Variants in GSDME observed in about 807,000 individuals in gnomAD.
GSDME encodes gasdermin E.
GSDME carries 44 observed loss-of-function variants against 47.5 expected under a neutral mutation model. The observed-to-expected ratio is 0.93, with a 90% CI of 0.73 to 1.19. The LOEUF (loss-of-function observed/expected upper bound fraction) is 1.19, where lower values mean the gene tolerates loss of function less well. Ranked by LOEUF, GSDME falls within the 50% of genes most tolerant of loss-of-function variation. The pLI is 0.00. For missense variants in GSDME, 663 were observed against 604.2 expected (o/e 1.10, Z -1.02); for synonymous variants, 258 against 252.8 (o/e 1.02, Z -0.20).
intron 3 of GSDME, among the ~76,000 whole-genome samples, chr7:24,743,177 C>T: frequency 6.6e-6 from 1 of 152,218 alleles, no homozygotes. Context: ...AATGTCTGTA[C>T]AAAATCCACC....
chr7:24,717,327 C>A lies in GSDME; in HGVS notation c.624G>T (p.Val208=), dbSNP rs746063969. 2 of 1,611,252 alleles carry A rather than the reference C, an allele frequency of 1.2e-6. No homozygotes were observed. Among genetic ancestry groups the A allele is most frequent in the Non-Finnish European group, 8.5e-7 (1 of 1,179,010 alleles). The change falls in exon 5 of 10, where the codon GTG becomes GTT. Residue 208 remains valine, a synonymous_variant. Transcript: ENST00000645220. ...DGNVTKDSNV[V]LEIPAATTIA... ...TGGTGGTGGCAGCTGGGATCTCCAG[C>A]ACCACGTTGGAGTCCTTGGTGACAT...
At chr7:24,718,921 A>T in intron 4 of GSDME, 126 bp downstream of exon 4, 1 of 1,059,128 alleles carries the variant, frequency 9.4e-7, no homozygotes. Context: ...AGACAACGTG[A>T]GTTGGGTTTC....
intron 3 of GSDME, among the ~76,000 whole-genome samples, chr7:24,741,926 C>T (rs1001569157): frequency 3.9e-5 from 6 of 152,160 alleles, no homozygotes; most frequent in African/African-American, 1.4e-4. Flanking sequence ...TCCTCCTAGC[C>T]GCCTAACAAG....
rs1790049040 is a variant in GSDME at position 24,728,678 on chromosome 7, C to T, written c.405-9460G>A. ...AGCTTCCCAGAGTCAGGAAGTGGAT[C>T]CTCTTGGAAACGAAAGCAGCCGCCC... is the stretch of plus-strand genomic sequence containing the variant. On this transcript the variant is annotated intron_variant, in intron 3 of 9. Transcript: ENST00000645220. This position sits in a 1 kb window ranked among gnomAD's most constrained non-coding sequence, Gnocchi z 7.2. 6.6e-6 allele frequency among the ~76,000 whole-genome samples: 1 copy of T among 152,164 alleles called. No individual in the cohort carries two copies. The highest frequency in any genetic ancestry group is 6.5e-5 in the Admixed American group (1 of 15,284).
the GSDME span, among the ~76,000 whole-genome samples, chr7:24,777,612 C>G: frequency 3.6e-4 from 55 of 152,116 alleles, 1 homozygote; most frequent in East Asian, 2.5e-3. Context: ...CTCACCTAAC[C>G]CCAGATCATT....
chr7:24,709,069 A>G (rs1207623087), intron 6 of GSDME, among the ~76,000 whole-genome samples: 1 of 152,254 alleles, frequency 6.6e-6, no homozygotes, highest in African/African-American at 2.4e-5. Flanking sequence ...TAGCAGTTGT[A>G]TAAAGCCCCA....
the GSDME span, among the ~76,000 whole-genome samples, chr7:24,788,843 C>A: frequency 6.6e-6 from 1 of 152,164 alleles, no homozygotes; most frequent in African/African-American, 2.4e-5. The surrounding 1 kb of genome is among the most constrained non-coding windows in gnomAD (Gnocchi z 4.6). Context: ...AACAGTCCTC[C>A]TTTAATGGCA....
At chr7:24,780,027 T>G in the GSDME span, among the ~76,000 whole-genome samples, 6,789 of 152,336 alleles carry the variant, frequency 0.045, 538 homozygotes, top group African/African-American at 0.15. The surrounding 1 kb of genome is among the most constrained non-coding windows in gnomAD (Gnocchi z 4.1). Context: ...GGCTCCGCCC[T>G]GCTTCAAGCA....
Position 24,736,884 on chromosome 7 carries a change from A to C in GSDME, c.404+7678T>G, listed in dbSNP as rs1790323227. The stretch of plus-strand genomic sequence containing the variant: ...GGAATTTGTGAAACTATGCAAATAC[A>C]TGGAAATTAAACAACATGCTCCTGA... On this transcript the variant is annotated intron_variant, in intron 3 of 9. Coordinates refer to ENST00000645220, the MANE Select transcript of GSDME (RefSeq NM_001127453.2). The surrounding 1 kb of genome is among the most constrained non-coding windows in gnomAD (Gnocchi z 4.6). 6.6e-6 allele frequency among the ~76,000 whole-genome samples: 1 copy of C among 152,228 alleles called. No homozygotes were observed. Among genetic ancestry groups the C allele is most frequent in the South Asian group, 2.1e-4 (1 of 4,836 alleles).
chr7:24,794,590 T>C, the GSDME span, among the ~76,000 whole-genome samples: 3 of 152,184 alleles, frequency 2.0e-5, no homozygotes, highest in African/African-American at 7.2e-5. Context: ...ACTAGAGACC[T>C]GTCTAGGCTT....
At chr7:24,767,780 A>G in the GSDME span, among the ~76,000 whole-genome samples, 1 of 152,228 alleles carries the variant, frequency 6.6e-6, no homozygotes, top group Non-Finnish European at 1.5e-5. The surrounding 1 kb of genome is among the most constrained non-coding windows in gnomAD (Gnocchi z 5.3). Context: ...ATCACAGCTT[A>G]GAGGCCAATT....
intron 2 of GSDME, among the ~76,000 whole-genome samples, chr7:24,747,712 G>C (rs534184467): frequency 2.8e-4 from 43 of 152,138 alleles, no homozygotes; most frequent in African/African-American, 9.9e-4. Context: ...CTGTTGCCCA[G>C]GCTGGAATGC....
chr7:24,740,983 A>C (rs1318322288), intron 3 of GSDME, among the ~76,000 whole-genome samples: 1 of 152,200 alleles, frequency 6.6e-6, no homozygotes, highest in African/African-American at 2.4e-5. Flanking sequence ...CCCAGAACTC[A>C]GGGGAGGGAG....
rs1789040686 is a variant in GSDME, at chr7:24,705,095, T to G, written c.1183+1089A>C. Reference sequence around the variant, plus strand: ...ACTTGGCATCACTGATCCAGGCTATTGATAGAAATGCTGCAATAAGTAATG... The same window carrying G: ...ACTTGGCATCACTGATCCAGGCTATGGATAGAAATGCTGCAATAAGTAATG... On this transcript the variant is annotated intron_variant, in intron 8 of 9. Transcript: ENST00000645220. This position sits in a 1 kb window ranked among gnomAD's most constrained non-coding sequence, Gnocchi z 4.1. The G allele has an allele frequency of 6.6e-6, 1 of 152,180 alleles. No individual in the cohort carries two copies. Among genetic ancestry groups the G allele is most frequent in the Admixed American group, 6.5e-5 (1 of 15,268 alleles). The allele number at this position is 152,180 out of a possible 1,614,324, so 9.4% of individuals were successfully genotyped here. A position where few individuals can be genotyped will look rare whatever the true frequency, so the allele number is the denominator to read the frequency against.
chr7:24,724,485 CG>C lies in GSDME; in HGVS notation c.405-5268del, dbSNP rs931960896. 1.4e-4 allele frequency among the ~76,000 whole-genome samples: 22 copies of C among 152,156 alleles called. No homozygotes were observed. Among genetic ancestry groups the C allele is most frequent in the Admixed American group, 2.6e-4 (4 of 15,280 alleles). On this transcript the variant is annotated intron_variant, in intron 3 of 9. Coordinates refer to ENST00000645220, the MANE Select transcript of GSDME (RefSeq NM_001127453.2). This position sits in a 1 kb window ranked among gnomAD's most constrained non-coding sequence, Gnocchi z 4.8. Reference sequence around the variant, plus strand: ...GGCTCCTTGTTCTTCCTGGCGGGGGCGGCAACGTGAAAGCAAGAACAGGAGG... The same window carrying C: ...GGCTCCTTGTTCTTCCTGGCGGGGGCGCAACGTGAAAGCAAGAACAGGAGG...
At chr7:24,786,524 T>C in the GSDME span, among the ~76,000 whole-genome samples, 1 of 152,172 alleles carries the variant, frequency 6.6e-6, no homozygotes, top group African/African-American at 2.4e-5. This position sits in a 1 kb window ranked among gnomAD's most constrained non-coding sequence, Gnocchi z 5.5. Flanking sequence ...GTTGTGAGGC[T>C]TTCGGAGTGG....
chr7:24,776,043 G>T, the GSDME span, among the ~76,000 whole-genome samples: 1 of 151,870 alleles, frequency 6.6e-6, no homozygotes, highest in African/African-American at 2.4e-5. Context: ...AGCCGGGCGT[G>T]GTAGCGGGAG....
the GSDME span, among the ~76,000 whole-genome samples, chr7:24,793,585 T>G: frequency 1.3e-5 from 2 of 152,216 alleles, no homozygotes; most frequent in African/African-American, 2.4e-5. Context: ...TTTTAAATTA[T>G]ACAACATTTC....
intron 6 of GSDME, 21 bp from the exon 7 acceptor site, chr7:24,708,275 C>A (rs769371589): frequency 6.2e-7 from 1 of 1,613,776 alleles, no homozygotes; most frequent in Admixed American, 1.7e-5. Flanking sequence ...AAAGCACACC[C>A]AAGTCTCATG....
Sources: allele counts gnomAD v4.1 joint callset (sites outside exome capture counted in the v4.1 genomes callset), GRCh38; gene constraint gnomAD v4.1.1; non-coding constraint Gnocchi (gnomAD v3.1); transcripts MANE v1.5; gene names NCBI Gene and HGNC (gene_info 2026-07-23, HGNC 2026-07-21).